Variants in TLE2 observed in about 807,000 individuals in gnomAD.
The protein encoded by TLE2 is TLE family member 2, transcriptional corepressor, also known as transducin-like enhancer protein 2.
In TLE2, 74 loss-of-function variants were observed where a neutral mutation model predicts 97.2. The ratio of observed to expected loss-of-function variants is 0.76; its 90% CI spans 0.63 to 0.92. The LOEUF (loss-of-function observed/expected upper bound fraction) is 0.92, where lower values mean the gene tolerates loss of function less well. Ranked by LOEUF, TLE2 falls within the 40% of genes least tolerant of loss-of-function variation. The probability of loss-of-function intolerance (pLI) is 0.00; values close to 1 mark genes in which losing one functional copy is unlikely to be tolerated. For missense variants in TLE2, 1,038 were observed against 1,008.7 expected (o/e 1.03, Z -0.39); for synonymous variants, 499 against 432.1 (o/e 1.15, Z -1.92).
chr19:3,000,925 A>C (rs1478634737), intron 18 of TLE2, among the ~76,000 whole-genome samples: 2 of 149,554 alleles, frequency 1.3e-5, no homozygotes, highest in Admixed American at 6.7e-5. Flanking sequence ...ACCTGGACTC[A>C]AGCGCTCCTC....
intron 1 of TLE2, among the ~76,000 whole-genome samples, chr19:3,042,266 G>A (rs1251976338): frequency 8.8e-6 from 1 of 113,030 alleles, no homozygotes; most frequent in Non-Finnish European, 1.8e-5. Context: ...GGGTGGAGGG[G>A]ACCCTGTGGA....
At position 3,009,591 on chromosome 19, in the gene TLE2, T is replaced by C; in HGVS notation, c.1124A>G (p.His375Arg). ...LSVPSSYVSL[H>R]LSPQVSSSVV... is the part of the protein sequence containing the mutation. Reference sequence around the variant, plus strand: ...AGAGCTGCTGACCTGGGGGGACAGGTGGAGGCTGACGTAGGAGCTGGGCAC... The same window carrying C: ...AGAGCTGCTGACCTGGGGGGACAGGCGGAGGCTGACGTAGGAGCTGGGCAC... The change falls in exon 13 of 20, where the codon CAC (histidine) becomes CGC (arginine). Residue 375 changes from histidine (H) to arginine (R), a missense_variant. Coordinates refer to ENST00000262953, the MANE Select transcript of TLE2 (RefSeq NM_003260.5). 6.2e-7 allele frequency: 1 copy of C among 1,613,312 alleles called. No individual in the cohort carries two copies. Among genetic ancestry groups the C allele is most frequent in the Non-Finnish European group, 8.5e-7 (1 of 1,179,672 alleles).
intron 12 of TLE2, among the ~76,000 whole-genome samples, chr19:3,010,475 C>G (rs2089572719): frequency 6.6e-6 from 1 of 152,066 alleles, no homozygotes; most frequent in Admixed American, 6.6e-5. Context: ...TCTTGGGTAC[C>G]TGCCTTGGTA....
chr19:3,037,852 T>C (rs1810231047), intron 1 of TLE2, among the ~76,000 whole-genome samples: 1 of 152,214 alleles, frequency 6.6e-6, no homozygotes, highest in Non-Finnish European at 1.5e-5. Flanking sequence ...CCGGGTGCAG[T>C]GGCTCACACC....
At chr19:3,005,366 C>A in intron 17 of TLE2, 71 bp downstream of exon 17, 7 of 1,562,118 alleles carry the variant, frequency 4.5e-6, no homozygotes, top group Non-Finnish European at 6.1e-6. Context: ...GAAGTGGGCA[C>A]CTCACAAGGA....
chr19:3,036,100 C>G (rs2145226265), intron 1 of TLE2, among the ~76,000 whole-genome samples: 1 of 152,258 alleles, frequency 6.6e-6, no homozygotes, highest in Non-Finnish European at 1.5e-5. Flanking sequence ...AGCTGAAGCT[C>G]TTACCCGAGC....
intron 4 of TLE2, chr19:3,025,701 C>G: frequency 1.3e-6 from 1 of 754,000 alleles, no homozygotes; most frequent in Non-Finnish European, 1.6e-6. Flanking sequence ...CATACAATGG[C>G]CACGGACTTT....
intron 1 of TLE2, chr19:3,045,703 C>A: frequency 2.3e-6 from 1 of 430,182 alleles, no homozygotes. Flanking sequence ...TGGTGGCGGG[C>A]GCCTGTAATC....
intron 11 of TLE2, among the ~76,000 whole-genome samples, chr19:3,011,503 G>C (rs1242074112): frequency 2.7e-5 from 4 of 147,432 alleles, no homozygotes; most frequent in Admixed American, 6.9e-5. Flanking sequence ...CTGCACTCCA[G>C]CCTGGGAGAC....
At chr19:3,035,779 A>C (rs1034566391) in intron 1 of TLE2, among the ~76,000 whole-genome samples, 4 of 152,188 alleles carry the variant, frequency 2.6e-5, no homozygotes, top group African/African-American at 9.6e-5. Context: ...AGTAGGGCCA[A>C]TCGGAAGGCA....
intron 8 of TLE2, among the ~76,000 whole-genome samples, chr19:3,017,334 T>C (rs181229585): frequency 1.5e-4 from 23 of 150,516 alleles, no homozygotes; most frequent in Non-Finnish European, 3.3e-4. Flanking sequence ...GACAGGGTTT[T>C]GCCATGTTGG....
intron 5 of TLE2, among the ~76,000 whole-genome samples, chr19:3,023,747 C>T (rs2089890899): frequency 2.6e-5 from 4 of 151,668 alleles, no homozygotes; most frequent in Admixed American, 2.6e-4. Flanking sequence ...CAAAAATTAG[C>T]CGGGCGTGGT....
intron 1 of TLE2, among the ~76,000 whole-genome samples, chr19:3,044,230 T>C (rs2090125873): frequency 6.6e-6 from 1 of 151,296 alleles, no homozygotes. Flanking sequence ...TCCTCGTGAC[T>C]TTCTGCCTCA....
chr19:3,045,759 G>A (rs900112164), exon 1 of TLE2: 15 of 446,920 alleles, frequency 3.4e-5, no homozygotes, highest in Admixed American at 9.5e-5. Flanking sequence ...CTTGGGAGGC[G>A]GAGGTTGCAG....
At chr19:3,045,661 G>C (rs945746059) in intron 1 of TLE2, 1 of 396,732 alleles carries the variant, frequency 2.5e-6, no homozygotes, top group Admixed American at 2.7e-5. Context: ...ACCCCACCCC[G>C]TCTCTACTAA....
chr19:3,015,972 T>C, intron 8 of TLE2: 1 of 645,196 alleles, frequency 1.5e-6, no homozygotes, highest in South Asian at 1.5e-5. Flanking sequence ...AGTCTTGCTC[T>C]GCTGCCCAGG....
rs750339877 is a variant in TLE2 at position 3,006,641 on chromosome 19, C to T, written c.1279G>A (p.Gly427Arg). 18 of 1,608,198 alleles carry T rather than the reference C, an allele frequency of 1.1e-5. No individual in the cohort carries two copies. The highest frequency in any genetic ancestry group is 1.3e-5 in the Non-Finnish European group (15 of 1,176,888). Reference protein sequence around the residue: ...PAYSFHVSADGQMQPVPFPSD... With the variant: ...PAYSFHVSADRQMQPVPFPSD... The stretch of plus-strand genomic sequence containing the variant: ...GGGAAGGGAACCGGCTGCATCTGCC[C>T]GTCCGCAGACACGTGGAAGGAGTAG... Residue 427 changes from glycine (G) to arginine (R), a missense_variant, in exon 15 of 20, where the codon GGG (glycine) becomes AGG (arginine). Coordinates refer to ENST00000262953, the MANE Select transcript of TLE2 (RefSeq NM_003260.5).
intron 19 of TLE2, among the ~76,000 whole-genome samples, chr19:2,998,568 G>A (rs2089278867): frequency 6.6e-6 from 1 of 151,984 alleles, no homozygotes; most frequent in Non-Finnish European, 1.5e-5. Context: ...ATGAGCCACC[G>A]CACCCGGCCT....
chr19:3,009,899 T>C (rs1235446240), intron 12 of TLE2, among the ~76,000 whole-genome samples, 197 bp from the exon 13 acceptor site: 8 of 151,788 alleles, frequency 5.3e-5, no homozygotes, highest in African/African-American at 1.2e-4. Flanking sequence ...TTTTTTCTTT[T>C]GTTTGAGATG....
Sources: gnomAD v4.1 joint callset for allele counts (sites outside exome capture counted in the v4.1 genomes callset) on GRCh38, gnomAD v4.1.1 for gene constraint, MANE v1.5 for transcripts, NCBI Gene and HGNC (gene_info 2026-07-23, HGNC 2026-07-21) for gene names.